Variants in PDE4D observed in about 807,000 individuals in gnomAD.
The protein encoded by PDE4D is phosphodiesterase 4D, also known as 3',5'-cyclic-AMP phosphodiesterase 4D.
In PDE4D, 24 loss-of-function variants were observed where a neutral mutation model predicts 87.4. The observed-to-expected ratio is 0.27, with a 90% CI of 0.20 to 0.39. The LOEUF is 0.39. Among genes scored for constraint, PDE4D ranks in the 10% least tolerant of loss-of-function variants. The pLI, the probability that PDE4D is intolerant of heterozygous loss-of-function variation, is 1.00. For synonymous variants in PDE4D, 384 were observed against 383.2 expected (o/e 1.00, Z -0.02); for missense variants, 714 against 1,041.0 (o/e 0.69, Z 4.32).
intron 4 of PDE4D, among the ~76,000 whole-genome samples, chr5:59,184,340 T>C (rs1742382094): frequency 6.6e-6 from 1 of 152,170 alleles, no homozygotes; most frequent in African/African-American, 2.4e-5. Context: ...AACGTGAATC[T>C]GGGAGGTCAA....
intron 1 of PDE4D, among the ~76,000 whole-genome samples, chr5:59,660,658 C>T (rs185118203): frequency 6.6e-6 from 1 of 152,182 alleles, no homozygotes; most frequent in Admixed American, 6.5e-5. Flanking sequence ...CTGAGAATAT[C>T]ACCCAGGAAA....
intron 1 of PDE4D, among the ~76,000 whole-genome samples, chr5:59,724,400 A>AG (rs1293470131): frequency 3.3e-5 from 5 of 152,102 alleles, no homozygotes; most frequent in Non-Finnish European, 7.4e-5. Context: ...GAACATAAGC[A>AG]GCTTTATTAC....
At chr5:59,901,353 C>T (rs1752237173) in intron 3 of PDE4D, among the ~76,000 whole-genome samples, 1 of 152,130 alleles carries the variant, frequency 6.6e-6, no homozygotes, top group Non-Finnish European at 1.5e-5. Flanking sequence ...TATTAAACCA[C>T]CCATCCACTG....
intron 1 of PDE4D, among the ~76,000 whole-genome samples, chr5:59,565,535 C>T (rs1333441194): frequency 2.1e-4 from 32 of 152,028 alleles, no homozygotes; most frequent in Admixed American, 2.1e-3. Context: ...TGCTCTAAAA[C>T]AACAACCAAA....
intron 3 of PDE4D, among the ~76,000 whole-genome samples, chr5:59,958,532 CAG>C (rs751514905): frequency 6.6e-6 from 1 of 152,110 alleles, no homozygotes; most frequent in Non-Finnish European, 1.5e-5. Flanking sequence ...CCATAAAAGA[CAG>C]AGTTTTCATC....
rs1804871852 is a variant in PDE4D at position 59,485,008 on chromosome 5, T to G, written c.456-269040A>C. 2.0e-5 allele frequency among the ~76,000 whole-genome samples: 3 copies of G among 152,170 alleles called. No individual in the cohort carries two copies. The South Asian group carries it at 6.2e-4, about 31-fold the overall frequency. On this transcript the variant is annotated intron_variant, in intron 1 of 14. Coordinates refer to ENST00000340635, the MANE Select transcript of PDE4D (RefSeq NM_001104631.2). The stretch of plus-strand genomic sequence containing the variant: ...AAATCAGATCCAGTTTTGGATCACT[T>G]TTTTAAAATAATTCCAAGAAACCCC...
chr5:59,754,621 G>T (rs1471633019), intron 1 of PDE4D, among the ~76,000 whole-genome samples: 1 of 152,088 alleles, frequency 6.6e-6, no homozygotes, highest in Non-Finnish European at 1.5e-5. Flanking sequence ...GAGCATTCTA[G>T]CATGGAAAGT....
At chr5:59,765,075 A>C (rs941912722) in intron 1 of PDE4D, among the ~76,000 whole-genome samples, 10 of 152,238 alleles carry the variant, frequency 6.6e-5, no homozygotes, top group Admixed American at 2.6e-4. Context: ...TGGGTATACC[A>C]AAATGAATGA....
At chr5:60,422,276 G>A (rs1311393843) in intron 1 of PDE4D, among the ~76,000 whole-genome samples, 1 of 152,166 alleles carries the variant, frequency 6.6e-6, no homozygotes, top group African/African-American at 2.4e-5. Flanking sequence ...AGGAAAAAAT[G>A]TTAAGGGCAG....
rs140261495 is a variant in PDE4D at position 59,932,792 on chromosome 5, A to C, written c.272+55696T>G. Among the ~76,000 whole-genome samples, 99 of 152,344 alleles carry C rather than the reference A, an allele frequency of 6.5e-4. No individual in the cohort carries two copies. The East Asian group carries it at 0.011, about 17-fold the overall frequency. ...AGACAGAGAGAAAATTCATACATGG[A>C]GGGAAACATTTCAGATGAAGAGATT... is the stretch of plus-strand genomic sequence containing the variant. On this transcript the variant is annotated intron_variant, in intron 3 of 16. Coordinates refer to the PDE4D transcript ENST00000502484.
chr5:59,089,315 T>C (rs942561384), intron 5 of PDE4D, among the ~76,000 whole-genome samples: 1 of 152,284 alleles, frequency 6.6e-6, no homozygotes, highest in Admixed American at 6.5e-5. Flanking sequence ...ATAAGGAAAC[T>C]AATTGGTATC....
chr5:60,269,458 T>C (rs1750592726), intron 1 of PDE4D, among the ~76,000 whole-genome samples: 1 of 152,268 alleles, frequency 6.6e-6, no homozygotes, highest in African/African-American at 2.4e-5. Flanking sequence ...AATTACATTT[T>C]ATCTAACTGT....
At chr5:59,894,586 C>T (rs1172943139), upstream of PDE4D, among the ~76,000 whole-genome samples, 1 of 152,166 alleles carries the variant, frequency 6.6e-6, no homozygotes, top group Non-Finnish European at 1.5e-5. Context: ...GTTGCAGAGC[C>T]ATGGCTGAGC....
At chr5:60,027,181 G>A (rs1276287538) in intron 2 of PDE4D, among the ~76,000 whole-genome samples, 1 of 152,040 alleles carries the variant, frequency 6.6e-6, no homozygotes. Context: ...CCTAAATAGT[G>A]AACATTGTAC....
intron 1 of PDE4D, chr5:59,275,396 T>C (rs1416400251): frequency 3.8e-6 from 6 of 1,596,342 alleles, no homozygotes; most frequent in Non-Finnish European, 5.1e-6. Context: ...TTCATAATAA[T>C]GCTCATTTTG....
chr5:59,200,646 C>T (rs1383350130), intron 2 of PDE4D, among the ~76,000 whole-genome samples: 1 of 69,862 alleles, frequency 1.4e-5, no homozygotes, highest in Non-Finnish European at 3.1e-5. Context: ...TACAGATACA[C>T]GTATACATAC....
intron 2 of PDE4D, among the ~76,000 whole-genome samples, chr5:60,008,857 G>C (rs541867663): frequency 1.3e-5 from 2 of 151,792 alleles, no homozygotes; most frequent in African/African-American, 4.8e-5. Context: ...TTTCATTTTA[G>C]TATTTTGTCT....
At chr5:59,528,857 C>T (rs1813637252) in intron 1 of PDE4D, 1 of 287,504 alleles carries the variant, frequency 3.5e-6, no homozygotes. Flanking sequence ...TGCTGGGTCA[C>T]CAAAATGTCA....
chr5:59,710,582 A>G (rs141148223), intron 1 of PDE4D, among the ~76,000 whole-genome samples: 2 of 151,962 alleles, frequency 1.3e-5, no homozygotes, highest in African/African-American at 4.8e-5. Context: ...CTTAATGTCA[A>G]TGTTAAAAAT....
Sources: allele counts gnomAD v4.1 joint callset (sites outside exome capture counted in the v4.1 genomes callset), GRCh38; gene constraint gnomAD v4.1.1; transcripts MANE v1.5; gene names NCBI Gene and HGNC (gene_info 2026-07-23, HGNC 2026-07-21).